GABRR3: variants seen among roughly 807,000 people sequenced by gnomAD.
GABRR3 encodes the protein gamma-aminobutyric acid receptor subunit rho-3.
In GABRR3, 29 loss-of-function variants were observed where a neutral mutation model predicts 43.2. The ratio of observed to expected loss-of-function variants is 0.67; its 90% CI spans 0.50 to 0.92. The LOEUF (loss-of-function observed/expected upper bound fraction) is 0.92, where lower values mean the gene tolerates loss of function less well. Among genes scored for constraint, GABRR3 ranks in the 40% least tolerant of loss-of-function variants. The pLI is 0.00. For missense variants in GABRR3, 576 were observed against 572.3 expected, an observed-to-expected ratio of 1.01 and a Z score of -0.07; for synonymous variants, 206 against 195.9, an observed-to-expected ratio of 1.05 and a Z score of -0.43.
intron 6 of GABRR3, 33 bp from the exon 7 acceptor site, chr3:98,007,937 A>C (rs759260187): frequency 6.6e-7 from 1 of 1,522,408 alleles, no homozygotes; most frequent in South Asian, 1.3e-5. Context: ...TTGTAAGTGT[A>C]ATAAGCTCTT....
intron 5 of GABRR3, among the ~76,000 whole-genome samples, chr3:98,010,859 G>A (rs1259693500): frequency 6.6e-6 from 1 of 152,178 alleles, no homozygotes; most frequent in African/African-American, 2.4e-5. Context: ...CAGTACTTTG[G>A]GGGGCCGAGG....
exon 9 of GABRR3, chr3:97,992,946 C>T (rs1357328833): frequency 5.6e-6 from 9 of 1,613,666 alleles, no homozygotes; most frequent in Non-Finnish European, 7.6e-6. Context: ...AAAGAGGGAG[C>T]TGACCCACAG....
At chr3:97,993,133 T>A (rs1170067333) in intron 8 of GABRR3, 85 bp from the exon 9 acceptor site, 1 of 1,078,322 alleles carries the variant, frequency 9.3e-7, no homozygotes, top group East Asian at 2.6e-5. Flanking sequence ...GGGATGCATT[T>A]CTAGAACAAT....
At chr3:98,016,589 A>C (rs1373184515) in intron 4 of GABRR3, among the ~76,000 whole-genome samples, 2 of 152,222 alleles carry the variant, frequency 1.3e-5, no homozygotes, top group Non-Finnish European at 2.9e-5. Context: ...GACAACAAGG[A>C]AACAGGTGCT....
At chr3:98,019,050 C>T (rs1290303984) in intron 3 of GABRR3, among the ~76,000 whole-genome samples, 1 of 150,898 alleles carries the variant, frequency 6.6e-6, no homozygotes, top group African/African-American at 2.4e-5. Context: ...GCAGGGGCTG[C>T]AGTGAGCTGA....
exon 8 of GABRR3, chr3:98,001,697 A>G: frequency 6.2e-7 from 1 of 1,613,406 alleles, no homozygotes; most frequent in East Asian, 2.2e-5. Flanking sequence ...TGGCTGGGAA[A>G]TAGGTTTGCA....
chr3:98,005,259 T>C (rs1032345728), intron 7 of GABRR3, among the ~76,000 whole-genome samples: 2 of 151,750 alleles, frequency 1.3e-5, no homozygotes, highest in Non-Finnish European at 2.9e-5. Context: ...CACAGATATG[T>C]ATATAAGCAC....
At chr3:98,005,242 C>CAT (rs879315269) in intron 7 of GABRR3, among the ~76,000 whole-genome samples, 1 of 149,806 alleles carries the variant, frequency 6.7e-6, no homozygotes, top group Admixed American at 6.7e-5. Flanking sequence ...CACACACACA[C>CAT]GATATGCACA....
chr3:98,006,769 T>C (rs1372609695), intron 7 of GABRR3, among the ~76,000 whole-genome samples: 1 of 152,092 alleles, frequency 6.6e-6, no homozygotes, highest in African/African-American at 2.4e-5. Flanking sequence ...GGAATGATAG[T>C]GGAGGGTGAG....
At chr3:98,025,720 A>C (rs1283126116) in intron 2 of GABRR3, 41 bp from the exon 3 acceptor site, 1 of 1,287,906 alleles carries the variant, frequency 7.8e-7, no homozygotes, top group South Asian at 1.3e-5. Flanking sequence ...TGAGATACAT[A>C]TGCTTCTGGA....
At chr3:97,986,164 C>A (rs1236529095), downstream of GABRR3, among the ~76,000 whole-genome samples, 1 of 152,108 alleles carries the variant, frequency 6.6e-6, no homozygotes, top group Non-Finnish European at 1.5e-5. Context: ...CGGCACCTGG[C>A]CTGAAACAAT....
At chr3:98,029,051 A>T (rs1707055998) in intron 2 of GABRR3, among the ~76,000 whole-genome samples, 1 of 152,128 alleles carries the variant, frequency 6.6e-6, no homozygotes, top group Non-Finnish European at 1.5e-5. Flanking sequence ...ATTTCAGTTT[A>T]GCCGCTACTG....
At chr3:98,023,024 C>A (rs1438422624) in intron 3 of GABRR3, among the ~76,000 whole-genome samples, 1 of 151,978 alleles carries the variant, frequency 6.6e-6, no homozygotes, top group Non-Finnish European at 1.5e-5. Flanking sequence ...GTTGGCTCTC[C>A]GTCATCTACA....
chr3:98,022,019 G>T (rs116660695), intron 3 of GABRR3, among the ~76,000 whole-genome samples: 2,288 of 152,254 alleles, frequency 0.015, 22 homozygotes, highest in Middle Eastern at 0.044. Flanking sequence ...TTAATGATAG[G>T]AAAGTAGCCA....
chr3:98,026,010 G>T (rs1458572518), intron 2 of GABRR3, among the ~76,000 whole-genome samples: 2 of 152,112 alleles, frequency 1.3e-5, no homozygotes, highest in Admixed American at 6.5e-5. Flanking sequence ...CAGATTCATG[G>T]ACTCCTGTCC....
exon 7 of GABRR3, chr3:98,007,894 A>C: frequency 2.5e-6 from 4 of 1,569,754 alleles, no homozygotes; most frequent in Non-Finnish European, 3.5e-6. Flanking sequence ...GGTCATCCTC[A>C]TTGTAGGCAT....
At chr3:97,989,184 T>C (rs1468252257) in intron 9 of GABRR3, among the ~76,000 whole-genome samples, 2 of 146,960 alleles carry the variant, frequency 1.4e-5, no homozygotes, top group Non-Finnish European at 3.0e-5. Flanking sequence ...GGGTGGTGGT[T>C]AGTAATGTTA....
intron 7 of GABRR3, among the ~76,000 whole-genome samples, chr3:98,004,210 G>T (rs193229422): frequency 2.0e-5 from 3 of 152,218 alleles, no homozygotes; most frequent in Admixed American, 1.3e-4. Context: ...AAATAATGTG[G>T]ATGAAAATAG....
intron 8 of GABRR3, among the ~76,000 whole-genome samples, chr3:97,994,750 A>G (rs1320069328): frequency 2.0e-5 from 3 of 152,222 alleles, no homozygotes; most frequent in Non-Finnish European, 4.4e-5. Flanking sequence ...CAGAAAACAA[A>G]TAGAAGCTCA....
Sources: gnomAD v4.1 joint callset for allele counts (sites outside exome capture counted in the v4.1 genomes callset) on GRCh38, gnomAD v4.1.1 for gene constraint, MANE v1.5 for transcripts, NCBI Gene and HGNC (gene_info 2026-07-23, HGNC 2026-07-21) for gene names.